The following PCDHA9 variants were observed in gnomAD, a reference collection of about 807,000 sequenced individuals.
The protein encoded by PCDHA9 is protocadherin alpha-9.
In PCDHA9, 62 loss-of-function variants were observed where a neutral mutation model predicts 62.0. That is an observed-to-expected ratio of 1.00 (90% CI 0.81 to 1.23). The LOEUF is 1.23. Among genes scored for constraint, PCDHA9 ranks in the 50% most tolerant of loss-of-function variants. PCDHA9 has a pLI of 0.00. For missense variants in PCDHA9, 1,205 were observed against 1,249.8 expected (o/e 0.96, Z 0.54); for synonymous variants, 557 against 567.6 (o/e 0.98, Z 0.27).
At chr5:141,003,663 A>G (rs1298864445) in intron 3 of PCDHA9, among the ~76,000 whole-genome samples, 4 of 152,204 alleles carry the variant, frequency 2.6e-5, no homozygotes, top group Non-Finnish European at 5.9e-5. Flanking sequence ...CATTTATTAA[A>G]ATATATGTTG....
At chr5:140,938,158 C>G (rs1308976624) in intron 1 of PCDHA9, among the ~76,000 whole-genome samples, 1 of 152,112 alleles carries the variant, frequency 6.6e-6, no homozygotes, top group African/African-American at 2.4e-5. Flanking sequence ...ATTGCCCAGG[C>G]TAGTCTGGAG....
intron 1 of PCDHA9, among the ~76,000 whole-genome samples, chr5:140,941,953 C>A (rs1166757165): frequency 6.6e-6 from 1 of 152,054 alleles, no homozygotes; most frequent in Non-Finnish European, 1.5e-5. Flanking sequence ...GTTTTGAAAA[C>A]AATAGTATCT....
rs529585383 is a variant in PCDHA9 at position 140,982,571 on chromosome 5, G to T, written c.2542+8G>T. 243 of 1,613,888 alleles carry T rather than the reference G, an allele frequency of 1.5e-4. 4 individuals carry two copies. The South Asian group carries it at 2.5e-3, about 17-fold the overall frequency. ...TATCCAGTGCAACACCAGGTAAAGAGCTGGGGTCTCTCCATTCTTTCTTGG... is the reference window on the plus strand; with the variant it reads ...TATCCAGTGCAACACCAGGTAAAGATCTGGGGTCTCTCCATTCTTTCTTGG... On this transcript the variant is annotated splice_region_variant and intron_variant, in intron 3 of 3. Transcript: ENST00000532602.
chr5:140,917,328 GGA>G lies in PCDHA9; in HGVS notation c.2395-61619_2395-61618del, dbSNP rs371938358. On this transcript the variant is annotated intron_variant, in intron 1 of 3. Transcript: ENST00000532602. ...TACAATTTGGTGTTCATGTGGCGGGGGAGGGGGGGGATGGTGTAGGCTTCTGT... is the reference window on the plus strand; with the variant it reads ...TACAATTTGGTGTTCATGTGGCGGGGGGGGGGGGATGGTGTAGGCTTCTGT... 4.7e-4 allele frequency among the ~76,000 whole-genome samples: 70 copies of G among 148,990 alleles called. 3 individuals are homozygous for G. Among genetic ancestry groups the G allele is most frequent in the African/African-American group, 1.3e-3 (53 of 40,184 alleles).
At chr5:140,881,719 C>A (rs914788204) in intron 1 of PCDHA9, among the ~76,000 whole-genome samples, 3 of 152,104 alleles carry the variant, frequency 2.0e-5, no homozygotes, top group African/African-American at 7.2e-5. Context: ...GTGAGGAGGT[C>A]TTGAAAAATA....
At chr5:140,856,963 T>C (rs1249230816) in intron 1 of PCDHA9, 1 of 1,590,702 alleles carries the variant, frequency 6.3e-7, no homozygotes, top group African/African-American at 1.3e-5. Context: ...AAGTAAATGA[T>C]GCTATTGACT....
chr5:140,863,415 C>T (rs782613716), intron 1 of PCDHA9: 2 of 737,502 alleles, frequency 2.7e-6, no homozygotes, highest in Admixed American at 1.9e-5. Flanking sequence ...CGCTGGTGTA[C>T]CGCAGCGTAG....
chr5:140,878,848 G>T (rs1477391344), intron 1 of PCDHA9, among the ~76,000 whole-genome samples: 1 of 152,138 alleles, frequency 6.6e-6, no homozygotes, highest in Non-Finnish European at 1.5e-5. Context: ...GAACTTCTGG[G>T]TTCAACTGAT....
rs782425750 is a variant in PCDHA9, at chr5:140,850,291, C to T, written c.1796C>T (p.Ala599Val). Residue 599 changes from alanine to valine, a missense_variant, in exon 1 of 4, where the codon GCC (alanine) becomes GTC (valine). By Grantham distance (64) the Ala-to-Val change is moderately conservative. Coordinates refer to ENST00000532602, the MANE Select transcript of PCDHA9 (RefSeq NM_031857.2). ...GTGGGGAAGGTGCGCGCAGTGGACG[C>T]CGACTCGGGCTACAACGCGTGGCTT... ...VVVGKVRAVD[A>V]DSGYNAWLSY... 1 of 1,596,090 alleles carries T rather than the reference C, an allele frequency of 6.3e-7. No individual in the cohort carries two copies. Among genetic ancestry groups the T allele is most frequent in the African/African-American group, 1.3e-5 (1 of 74,372 alleles).
At chr5:140,869,004 T>C in intron 1 of PCDHA9, 1 of 1,521,534 alleles carries the variant, frequency 6.6e-7, no homozygotes, top group Non-Finnish European at 8.8e-7. Context: ...AAGGATCCTT[T>C]GAAACTTCTT....
intron 3 of PCDHA9, among the ~76,000 whole-genome samples, chr5:140,990,272 C>A (rs568200508): frequency 6.6e-6 from 1 of 152,196 alleles, no homozygotes; most frequent in African/African-American, 2.4e-5. Flanking sequence ...CAATGTACCC[C>A]GGGTCTTGAG....
chr5:140,917,314 G>A (rs1554197960), intron 1 of PCDHA9, among the ~76,000 whole-genome samples: 1 of 142,492 alleles, frequency 7.0e-6, no homozygotes, highest in African/African-American at 2.6e-5. Context: ...ACAATTTGGT[G>A]TTCATGTGGC....
At chr5:140,986,077 A>G (rs1335070462) in intron 3 of PCDHA9, among the ~76,000 whole-genome samples, 2 of 152,094 alleles carry the variant, frequency 1.3e-5, no homozygotes, top group Non-Finnish European at 2.9e-5. Flanking sequence ...GAAACTGTTC[A>G]TTTATTTTCA....
At position 140,884,044 on chromosome 5, in the gene PCDHA9, G is replaced by T. The variant is rs374333847; in HGVS notation, c.2394+33155G>T. On this transcript the variant is annotated intron_variant, in intron 1 of 3. Coordinates refer to ENST00000532602, the MANE Select transcript of PCDHA9 (RefSeq NM_031857.2). ...CGGTGGGTGCAGGCCACGTGGTGGC[G>T]AAGGTGCGCGCGGTGGACGCCGATT... 2.5e-6 allele frequency: 4 copies of T among 1,613,476 alleles called. No homozygotes were observed. In the South Asian group the frequency reaches 3.3e-5, roughly 13 times the overall value.
intron 1 of PCDHA9, among the ~76,000 whole-genome samples, chr5:140,950,924 T>C (rs1316182193): frequency 2.6e-5 from 4 of 152,104 alleles, no homozygotes; most frequent in Non-Finnish European, 5.9e-5. Flanking sequence ...TTCAGTTCTT[T>C]TTCTTTTCTT....
rs2055991111 is a variant in PCDHA9 at position 140,875,957 on chromosome 5, T to C, written c.2394+25068T>C. 1.1e-5 allele frequency: 17 copies of C among 1,614,050 alleles called. No individual in the cohort carries two copies. The highest frequency in any genetic ancestry group is 1.4e-5 in the Non-Finnish European group (16 of 1,180,000). ...CTAGAGGGCGCTTCTGATGCGGATA[T>C]CGGCGTAAACTCTCTTTTGACCTAT... On this transcript the variant is annotated intron_variant, in intron 1 of 3. Coordinates refer to ENST00000532602, the MANE Select transcript of PCDHA9 (RefSeq NM_031857.2).
At chr5:141,003,424 G>A (rs1431935325) in intron 3 of PCDHA9, among the ~76,000 whole-genome samples, 1 of 152,122 alleles carries the variant, frequency 6.6e-6, no homozygotes, top group Non-Finnish European at 1.5e-5. Context: ...TGATTCTTAT[G>A]CCTCAGCCTC....
intron 1 of PCDHA9, chr5:140,927,539 A>G (rs1554204701): frequency 6.2e-7 from 1 of 1,614,112 alleles, no homozygotes; most frequent in Non-Finnish European, 8.5e-7. Flanking sequence ...CGCTCAGGAG[A>G]CGCACAAGTC....
chr5:140,966,428 C>T (rs1297076694), intron 1 of PCDHA9: 6 of 423,554 alleles, frequency 1.4e-5, no homozygotes, highest in Non-Finnish European at 1.2e-5. Flanking sequence ...TTGCTGAGCC[C>T]TCCTACCGCT....
Sources: allele counts gnomAD v4.1 joint callset (sites outside exome capture counted in the v4.1 genomes callset), GRCh38; gene constraint gnomAD v4.1.1; transcripts MANE v1.5; gene names NCBI Gene and HGNC (gene_info 2026-07-23, HGNC 2026-07-21).